The following SEMA4A variants were observed in gnomAD, a reference collection of about 807,000 sequenced individuals.
SEMA4A encodes the protein semaphorin 4A.
SEMA4A carries 52 observed loss-of-function variants against 72.5 expected under a neutral mutation model. The ratio of observed to expected loss-of-function variants is 0.72; its 90% CI spans 0.57 to 0.90. The LOEUF (loss-of-function observed/expected upper bound fraction) is 0.90, where lower values mean the gene tolerates loss of function less well. Among genes scored for constraint, SEMA4A ranks in the 40% least tolerant of loss-of-function variants. The probability of loss-of-function intolerance (pLI) is 0.00; values close to 1 mark genes in which losing one functional copy is unlikely to be tolerated. For synonymous variants in SEMA4A, 369 were observed against 393.1 expected, an observed-to-expected ratio of 0.94 and a Z score of 0.73; for missense variants, 926 against 959.7, an observed-to-expected ratio of 0.96 and a Z score of 0.46.
chr1:156,147,824 G>T (rs1438549034), upstream of SEMA4A, among the ~76,000 whole-genome samples: 1 of 152,182 alleles, frequency 6.6e-6, no homozygotes, highest in Non-Finnish European at 1.5e-5. Flanking sequence ...GAGAAATGGA[G>T]ATTAGCTTGT....
At chr1:156,153,932 T>C (rs1334809456) in intron 1 of SEMA4A, among the ~76,000 whole-genome samples, 168 bp downstream of exon 1, 1 of 152,028 alleles carries the variant, frequency 6.6e-6, no homozygotes. Context: ...ACCAACCTGG[T>C]GGGATGGACC....
chr1:156,160,884 C>G (rs745761176), intron 7 of SEMA4A, 21 bp from the exon 8 acceptor site: 16 of 1,613,522 alleles, frequency 9.9e-6, no homozygotes, highest in Non-Finnish European at 1.4e-5. Flanking sequence ...GTCCCTAAGC[C>G]CATCTGCCCC....
chr1:156,159,191 A>T (rs1373182298), intron 6 of SEMA4A, among the ~76,000 whole-genome samples: 2 of 151,990 alleles, frequency 1.3e-5, no homozygotes, highest in East Asian at 3.9e-4. Context: ...AAAATTATCC[A>T]GGCGTGGTAG....
At chr1:156,168,643 T>C (rs1387939570) in intron 10 of SEMA4A, among the ~76,000 whole-genome samples, 1 of 152,156 alleles carries the variant, frequency 6.6e-6, no homozygotes, top group Non-Finnish European at 1.5e-5. Flanking sequence ...TGTGTACTCA[T>C]ATTTAACAGT....
chr1:156,150,953 G>T (rs531012521), upstream of SEMA4A, among the ~76,000 whole-genome samples: 11 of 152,086 alleles, frequency 7.2e-5, no homozygotes, highest in Non-Finnish European at 1.6e-4. Flanking sequence ...AAATGACACG[G>T]CCCCTGTGGG....
At position 156,157,029 on chromosome 1, in the gene SEMA4A, G is replaced by T. The variant is rs527939227; in HGVS notation, c.300+455G>T. Among the ~76,000 whole-genome samples the T allele has an allele frequency of 6.6e-6, 1 of 152,146 alleles. No homozygotes were observed. The highest frequency in any genetic ancestry group is 2.4e-5 in the African/African-American group (1 of 41,516). The stretch of plus-strand genomic sequence containing the variant: ...TTACAGGCGTGAGCCACCGCACCCG[G>T]CCTGTGACTTCACTCTTCACTGGTA... On this transcript the variant is annotated intron_variant, in intron 3 of 14. Coordinates refer to ENST00000368285, the MANE Select transcript of SEMA4A (RefSeq NM_022367.4). This position sits in a 1 kb window ranked among gnomAD's most constrained non-coding sequence, Gnocchi z 4.5.
Position 156,161,449 on chromosome 1 carries a change from G to A in SEMA4A, c.914G>A (p.Arg305His). ...GGGCAGCTGCCCTTCAACGTCATCC[G>A]CCACGCGGTCCTGCTCCCCGCCGAT... ...QPGQLPFNVI[R>H]HAVLLPADSP... Residue 305 changes from arginine (R) to histidine (H), a missense_variant, in exon 9 of 15, where the codon CGC (arginine) becomes CAC (histidine). Arg to His is a conservative substitution (Grantham distance 29, BLOSUM62 0). Coordinates refer to ENST00000368285, the MANE Select transcript of SEMA4A (RefSeq NM_022367.4). The A allele has an allele frequency of 6.2e-7, 1 of 1,613,886 alleles. No homozygotes were observed. The highest frequency in any genetic ancestry group is 1.1e-5 in the South Asian group (1 of 91,014).
chr1:156,155,976 G>A (rs897513029), intron 2 of SEMA4A: 2 of 261,440 alleles, frequency 7.6e-6, no homozygotes, highest in African/African-American at 4.4e-5. Flanking sequence ...AGAAAGCAGG[G>A]GTGGTTGGGG....
upstream of SEMA4A, among the ~76,000 whole-genome samples, chr1:156,147,789 A>T (rs1652221204): frequency 6.6e-6 from 1 of 152,150 alleles, no homozygotes; most frequent in Non-Finnish European, 1.5e-5. Flanking sequence ...AACCAGAGGA[A>T]ATAGAATTAT....
intron 3 of SEMA4A, 102 bp downstream of exon 3, chr1:156,156,676 T>TAACAGCAA: frequency 4.5e-6 from 5 of 1,106,976 alleles, no homozygotes; most frequent in Non-Finnish European, 6.8e-6. Flanking sequence ...GTTGCTGTTA[T>TAACAGCAA]CTGTAATCAG....
In SEMA4A at chr1:156,177,389, A is replaced by C; in HGVS notation, c.*392A>C. 9.8e-6 allele frequency: 3 copies of C among 305,616 alleles called. No homozygotes were observed. Among genetic ancestry groups the C allele is most frequent in the South Asian group, 3.2e-5 (1 of 31,114 alleles). The allele number at this position is 305,616 out of a possible 1,614,324, so 18.9% of individuals were successfully genotyped here. On this transcript the variant is annotated 3_prime_UTR_variant, in exon 15 of 15. Coordinates refer to ENST00000368285, the MANE Select transcript of SEMA4A (RefSeq NM_022367.4). ...GTAATGAACACCAAACATCTAAACA[A>C]TCATATGCTAACATGCCACTCCTGG...
At chr1:156,165,742 T>C (rs887647384) in intron 10 of SEMA4A, among the ~76,000 whole-genome samples, 2 of 151,988 alleles carry the variant, frequency 1.3e-5, no homozygotes, top group Non-Finnish European at 2.9e-5. Context: ...TGGAATCTTA[T>C]AGTGCTTTTT....
At position 156,158,093 on chromosome 1, in the gene SEMA4A, A is replaced by C. The variant is rs1397123670; in HGVS notation, c.324A>C (p.Arg108Ser). ...AGATACCGTGGCCAGCCAGTGACAG[A>C]AAAAAGAGTGAATGTGCCTTTAAGA... ...KNMIPWPASD[R>S]KKSECAFKKK... is the part of the protein sequence containing the mutation. The change falls in exon 4 of 15, where the codon AGA becomes AGC. Residue 108 changes from arginine to serine, a missense_variant. By Grantham distance (110) the Arg-to-Ser change is moderately radical (BLOSUM62 -1). Transcript: ENST00000368285. The C allele has an allele frequency of 1.2e-5, 19 of 1,613,954 alleles. No individual in the cohort carries two copies.
At chr1:156,156,975 G>A (rs948632493) in intron 3 of SEMA4A, among the ~76,000 whole-genome samples, 19 of 151,504 alleles carry the variant, frequency 1.3e-4, no homozygotes, top group South Asian at 6.3e-4. Context: ...CAGGTGATCC[G>A]CCTGCCTCAG....
chr1:156,163,720 C>CAAA (rs34408918), intron 10 of SEMA4A, among the ~76,000 whole-genome samples: 17 of 17,770 alleles, frequency 9.6e-4, no homozygotes, highest in Non-Finnish European at 1.4e-3. Flanking sequence ...GACTCAGTCT[C>CAAA]AAAAAAAAAA....
chr1:156,177,297 C>T lies in SEMA4A; in HGVS notation c.*300C>T. On this transcript the variant is annotated 3_prime_UTR_variant, in exon 15 of 15. Transcript: ENST00000368285. Reference sequence around the variant, plus strand: ...GAGGATCCTTCAGTTCTGGCCATTCCAGGGACCCTCCAGAAACACAGTGTT... The same window carrying T: ...GAGGATCCTTCAGTTCTGGCCATTCTAGGGACCCTCCAGAAACACAGTGTT... The T allele has an allele frequency of 2.0e-6, 1 of 490,222 alleles. No individual in the cohort carries two copies. The allele number at this position is 490,222 out of a possible 1,614,324, so 30.4% of individuals were successfully genotyped here.
Position 156,176,834 on chromosome 1 carries a change from G to T in SEMA4A, c.2123G>T (p.Arg708Ile). ...ALIILVASPLRALRARGKVQG... is the reference protein window; with the variant it reads ...ALIILVASPLIALRARGKVQG... ...ATCATCCTCGTGGCCTCCCCATTGA[G>T]AGCACTCCGGGCTCGGGGCAAGGTT... Residue 708 changes from arginine to isoleucine, a missense_variant, in exon 15 of 15, where the codon AGA becomes ATA. Arg to Ile is a moderately conservative substitution (Grantham distance 97). Transcript: ENST00000368285. 1 of 1,614,222 alleles carries T rather than the reference G, an allele frequency of 6.2e-7. No homozygotes were observed. Among genetic ancestry groups the T allele is most frequent in the Non-Finnish European group, 8.5e-7 (1 of 1,180,020 alleles).
Position 156,162,924 on chromosome 1 carries a change from T to G in SEMA4A, c.984-20T>G. The G allele has an allele frequency of 6.2e-7, 1 of 1,612,910 alleles. No homozygotes were observed. Among genetic ancestry groups the G allele is most frequent in the Non-Finnish European group, 8.5e-7 (1 of 1,179,908 alleles). On this transcript the variant is annotated intron_variant, in intron 9 of 14. Transcript: ENST00000368285. ...GGTGTGGCAGAGACCACAGACAATGTTCCCTCTGGCTGTCTCCAGGCAGGT... is the reference window on the plus strand; with the variant it reads ...GGTGTGGCAGAGACCACAGACAATGGTCCCTCTGGCTGTCTCCAGGCAGGT...
intron 10 of SEMA4A, 103 bp from the exon 11 acceptor site, chr1:156,172,723 A>G (rs1413433317): frequency 1.9e-6 from 2 of 1,078,600 alleles, no homozygotes; most frequent in South Asian, 1.3e-5. Context: ...TGAAATGAGG[A>G]CTGCCATGAG....
Sources: gnomAD v4.1 joint callset for allele counts (sites outside exome capture counted in the v4.1 genomes callset) on GRCh38, gnomAD v4.1.1 for gene constraint, Gnocchi (gnomAD v3.1) non-coding constraint, MANE v1.5 for transcripts, NCBI Gene and HGNC (gene_info 2026-07-23, HGNC 2026-07-21) for gene names.